SLC35A3: variants seen among roughly 807,000 people sequenced by gnomAD.
SLC35A3 encodes the protein UDP-N-acetylglucosamine transporter.
Under a neutral mutation model 39.0 loss-of-function variants are expected in SLC35A3, and 26 were observed. The ratio of observed to expected loss-of-function variants is 0.67; its 90% CI spans 0.49 to 0.92. The LOEUF (loss-of-function observed/expected upper bound fraction) is 0.92. Among genes scored for constraint, SLC35A3 ranks in the 40% least tolerant of loss-of-function variants. SLC35A3 has a pLI of 0.00. For synonymous variants in SLC35A3, 135 were observed against 133.1 expected, an observed-to-expected ratio of 1.01 and a Z score of -0.10; for missense variants, 299 against 371.6, an observed-to-expected ratio of 0.80 and a Z score of 1.61.
In SLC35A3 at chr1:100,029,213, C is replaced by G. The variant is rs1311079165; in HGVS notation, c.*6737C>G. 2 of 152,152 alleles carry G rather than the reference C, an allele frequency of 1.3e-5. No individual in the cohort carries two copies. The highest frequency in any genetic ancestry group is 4.8e-5 in the African/African-American group (2 of 41,420). 9.4% of individuals were successfully genotyped at this position (152,152 alleles called of 1,614,324 possible). On this transcript the variant is annotated 3_prime_UTR_variant, in exon 8 of 8. Coordinates refer to ENST00000533028, the MANE Select transcript of SLC35A3 (RefSeq NM_012243.3). ...ACTTCAGGGCCTCACCATAGGTTAT[C>G]TCGTTAGCATAAACTGTCAAGTGTT...
intron 2 of SLC35A3, among the ~76,000 whole-genome samples, chr1:99,998,219 A>G (rs77210918): frequency 0.029 from 4,427 of 151,360 alleles, 220 homozygotes; most frequent in African/African-American, 0.1. Flanking sequence ...CAGTTATGCA[A>G]TCATAGCTTG....
chr1:99,988,852 A>T (rs1049950525), intron 1 of SLC35A3, among the ~76,000 whole-genome samples: 1 of 151,812 alleles, frequency 6.6e-6, no homozygotes, highest in African/African-American at 2.4e-5. Context: ...TATAACCTCA[A>T]ACTTCCTGGG....
intron 6 of SLC35A3, among the ~76,000 whole-genome samples, chr1:100,016,819 G>A (rs556608466): frequency 2.0e-5 from 3 of 152,242 alleles, no homozygotes; most frequent in East Asian, 3.9e-4. Flanking sequence ...AAGAGAAGAA[G>A]CCCCCTTCCC....
In SLC35A3 at chr1:99,999,239, T is replaced by A. The variant is rs538870918; in HGVS notation, c.188-22T>A. On this transcript the variant is annotated intron_variant, in intron 2 of 7. Coordinates refer to ENST00000533028, the MANE Select transcript of SLC35A3 (RefSeq NM_012243.3). ...TTATTCAGAGTTACTTAATTACTGA[T>A]TTTTCTCATATTATTTTCTAGAATG... 4 of 1,458,892 alleles carry A rather than the reference T, an allele frequency of 2.7e-6. No homozygotes were observed. The South Asian group carries it at 5.7e-5, about 21-fold the overall frequency. 90.4% of individuals were successfully genotyped at this position (1,458,892 alleles called of 1,614,324 possible).
chr1:99,970,634 G>A lies in SLC35A3; in HGVS notation c.-19+472G>A. 1.3e-6 allele frequency: 2 copies of A among 1,536,084 alleles called. 1 individual carries two copies. The highest frequency in any genetic ancestry group is 2.4e-5 in the South Asian group (2 of 84,062). On this transcript the variant is annotated intron_variant, in intron 1 of 7. Coordinates refer to ENST00000533028, the MANE Select transcript of SLC35A3 (RefSeq NM_012243.3). ...CCGCAGGAACTTAAAGAAATGGAAA[G>A]GCTGCCCTTGGTAAGGCTAGTAAGA... is the stretch of plus-strand genomic sequence containing the variant.
At chr1:99,971,662 A>G (rs1296598612) in intron 1 of SLC35A3, among the ~76,000 whole-genome samples, 2 of 151,904 alleles carry the variant, frequency 1.3e-5, no homozygotes, top group East Asian at 1.9e-4. Context: ...TTTTTTCCAC[A>G]TATCCTATTT....
chr1:100,001,253 T>C (rs1014271714), intron 3 of SLC35A3, among the ~76,000 whole-genome samples: 4 of 152,112 alleles, frequency 2.6e-5, no homozygotes, highest in African/African-American at 9.7e-5. Flanking sequence ...AGAGTGTCAT[T>C]GGTATTTTGA....
chr1:100,006,930 C>T, intron 3 of SLC35A3, 104 bp from the exon 4 acceptor site: 2 of 1,306,804 alleles, frequency 1.5e-6, no homozygotes, highest in Non-Finnish European at 2.0e-6. Flanking sequence ...GATGCAACCA[C>T]CAGGCATGCT....
In SLC35A3 at chr1:100,034,860, T is replaced by C. The variant is rs561149; in HGVS notation, c.*12384T>C. 8,991 of 152,250 alleles carry C rather than the reference T, an allele frequency of 0.059. 344 individuals carry two copies. Among genetic ancestry groups the C allele is most frequent in the African/African-American group, 0.1 (4,334 of 41,526 alleles). The allele number at this position is 152,250 out of a possible 1,614,324, so 9.4% of individuals were successfully genotyped here. A position where few individuals can be genotyped will look rare whatever the true frequency, so the allele number is the denominator to read the frequency against. ...CCTCATGAACTGTTTTCATGAACTT[T>C]CCAAACATTGGTTTCTGCTTGTTTC... On this transcript the variant is annotated 3_prime_UTR_variant, in exon 8 of 8. Coordinates refer to ENST00000533028, the MANE Select transcript of SLC35A3 (RefSeq NM_012243.3).
At chr1:99,993,785 A>G in intron 2 of SLC35A3, 44 bp downstream of exon 2, 2 of 1,532,756 alleles carry the variant, frequency 1.3e-6, no homozygotes. Context: ...CAATTTATTT[A>G]GTTTGCATAT....
In SLC35A3 at chr1:100,024,622, C is replaced by G; in HGVS notation, c.*2146C>G. On this transcript the variant is annotated 3_prime_UTR_variant, in exon 8 of 8. Transcript: ENST00000533028. ...TATGAATGAAAAAAATAAAATACTT[C>G]TTTTTTTTTTTTTTTGAGACAGAGT... 3.9e-6 allele frequency: 1 copy of G among 254,752 alleles called. No individual in the cohort carries two copies. Among genetic ancestry groups the G allele is most frequent in the Non-Finnish European group, 7.2e-6 (1 of 139,600 alleles). 15.8% of individuals were successfully genotyped at this position (254,752 alleles called of 1,614,324 possible).
chr1:100,013,691 T>C (rs926038183), intron 5 of SLC35A3, among the ~76,000 whole-genome samples: 2 of 151,786 alleles, frequency 1.3e-5, no homozygotes, highest in South Asian at 4.1e-4. Context: ...TGTATATATA[T>C]ACACACACAT....
At chr1:99,971,993 G>A (rs1369586424) in intron 1 of SLC35A3, among the ~76,000 whole-genome samples, 1 of 152,012 alleles carries the variant, frequency 6.6e-6, no homozygotes, top group Non-Finnish European at 1.5e-5. Context: ...CGTCTCCCGG[G>A]TTCAAGCGAT....
intron 5 of SLC35A3, among the ~76,000 whole-genome samples, chr1:100,012,237 A>G (rs1367433611): frequency 6.6e-6 from 1 of 152,052 alleles, no homozygotes; most frequent in East Asian, 1.9e-4. Flanking sequence ...TGAGCCAAGA[A>G]TAAAGTGTCT....
chr1:99,995,170 C>G (rs7554748), intron 2 of SLC35A3, among the ~76,000 whole-genome samples: 12,551 of 91,854 alleles, frequency 0.14, 1,037 homozygotes, highest in African/African-American at 0.31. Flanking sequence ...CTTTTTTTTT[C>G]GAGACTGAGT....
rs71970416 is a variant in SLC35A3 at position 99,997,410 on chromosome 1, TTATATATATATATATATA to T, written c.188-1821_188-1804del. ...ACAGTTATATGTTTTATATATAGTT[TTATATATATATATATATA>T]TATATATATATATATATATATATAT... On this transcript the variant is annotated intron_variant, in intron 2 of 7. Coordinates refer to ENST00000533028, the MANE Select transcript of SLC35A3 (RefSeq NM_012243.3). Among the ~76,000 whole-genome samples the T allele has an allele frequency of 6.5e-3, 599 of 92,096 alleles. 21 individuals are homozygous for T. Among genetic ancestry groups the T allele is most frequent in the African/African-American group, 0.03 (560 of 18,648 alleles). The allele number at this position is 92,096 out of a possible 152,430, so 60.4% of individuals were successfully genotyped here. A position where few individuals can be genotyped will look rare whatever the true frequency, so the allele number is the denominator to read the frequency against.
At chr1:99,993,804 G>C (rs1463329100) in intron 2 of SLC35A3, 63 bp downstream of exon 2, 2 of 1,395,070 alleles carry the variant, frequency 1.4e-6, no homozygotes, top group African/African-American at 2.9e-5. Context: ...ATATATATTG[G>C]TAACTACACA....
intron 3 of SLC35A3, among the ~76,000 whole-genome samples, chr1:100,005,421 C>A (rs1171635242): frequency 2.0e-5 from 3 of 152,176 alleles, no homozygotes; most frequent in Non-Finnish European, 4.4e-5. Flanking sequence ...GTTTTGAGGG[C>A]ATCCTTTGTG....
rs530449824 is a variant in SLC35A3 at position 100,018,241 on chromosome 1, G to T, written c.887+426G>T. Among the ~76,000 whole-genome samples, 256 of 152,312 alleles carry T rather than the reference G, an allele frequency of 1.7e-3. 3 individuals are homozygous for T. The highest frequency in any genetic ancestry group is 5.7e-3 in the African/African-American group (239 of 41,572). ...AGGAAGAGCAATCTGGAAAGGAATTGCAGGAGGAGTTATAGGTGAGGAAGA... is the reference window on the plus strand; with the variant it reads ...AGGAAGAGCAATCTGGAAAGGAATTTCAGGAGGAGTTATAGGTGAGGAAGA... On this transcript the variant is annotated intron_variant, in intron 7 of 7. Coordinates refer to ENST00000533028, the MANE Select transcript of SLC35A3 (RefSeq NM_012243.3).
Sources: allele counts gnomAD v4.1 joint callset (sites outside exome capture counted in the v4.1 genomes callset), GRCh38; gene constraint gnomAD v4.1.1; transcripts MANE v1.5; gene names NCBI Gene and HGNC (gene_info 2026-07-23, HGNC 2026-07-21).